Variants in ANKFN1 observed in about 807,000 individuals in gnomAD.
ANKFN1 encodes the protein ankyrin repeat and fibronectin type-III domain-containing protein 1.
A neutral mutation model predicts 108.7 loss-of-function variants in ANKFN1; 74 were observed. That is an observed-to-expected ratio of 0.68 (90% CI 0.56 to 0.83). The LOEUF (loss-of-function observed/expected upper bound fraction) is 0.83. ANKFN1 is among the 40% of genes least tolerant of loss of function. ANKFN1 has a pLI of 0.00. For missense variants in ANKFN1, 1,505 were observed against 1,382.3 expected (o/e 1.09, Z -1.41); for synonymous variants, 547 against 516.2 (o/e 1.06, Z -0.81).
intron 4 of ANKFN1, among the ~76,000 whole-genome samples, chr17:56,122,101 C>T (rs1303686869): frequency 6.6e-6 from 1 of 152,172 alleles, no homozygotes; most frequent in East Asian, 1.9e-4. Flanking sequence ...GAGGAACCTA[C>T]CCCTAGAATT....
intron 14 of ANKFN1, among the ~76,000 whole-genome samples, chr17:56,458,210 A>G (rs113657352): frequency 2.7e-3 from 404 of 152,234 alleles, no homozygotes; most frequent in Middle Eastern, 0.01. Context: ...CTTGAACAGT[A>G]TATAGGAGTA....
chr17:56,418,836 G>C (rs182530936), intron 8 of ANKFN1, among the ~76,000 whole-genome samples: 1 of 151,940 alleles, frequency 6.6e-6, no homozygotes, highest in African/African-American at 2.4e-5. Context: ...ACCACAGAGA[G>C]TCCGAAGCCT....
At chr17:56,179,187 A>G (rs561384267) in intron 1 of ANKFN1, among the ~76,000 whole-genome samples, 2 of 152,344 alleles carry the variant, frequency 1.3e-5, no homozygotes, top group African/African-American at 2.4e-5. Context: ...AACATGTTTC[A>G]TGATCATAGG....
chr17:56,360,390 G>T (rs1339979384), intron 6 of ANKFN1, among the ~76,000 whole-genome samples: 1 of 152,118 alleles, frequency 6.6e-6, no homozygotes, highest in Non-Finnish European at 1.5e-5. Context: ...CTTCAAGAGA[G>T]GCTTTCTCTG....
Position 56,188,020 on chromosome 17 carries a change from T to C in ANKFN1, c.-70-24578T>C, listed in dbSNP as rs537184871. Among the ~76,000 whole-genome samples, 19 of 152,304 alleles carry C rather than the reference T, an allele frequency of 1.2e-4. No homozygotes were observed. In the South Asian group the frequency reaches 3.9e-3, roughly 32 times the overall value. ...GGGTGCAGCACACAAACATGGCACT[T>C]GTATACATATGTAACAAACCTGCAC... On this transcript the variant is annotated intron_variant, in intron 1 of 20. Coordinates refer to ENST00000682825, the MANE Select transcript of ANKFN1 (RefSeq NM_001370326.1).
intron 3 of ANKFN1, among the ~76,000 whole-genome samples, chr17:56,286,903 C>T (rs117181987): frequency 0.016 from 2,399 of 152,162 alleles, 20 homozygotes; most frequent in Middle Eastern, 0.034. Context: ...TAATCAGCCA[C>T]CCCTTCCAAG....
intron 4 of ANKFN1, among the ~76,000 whole-genome samples, chr17:56,055,595 A>ATATATATATATATATATATG (rs1904861698): frequency 1.5e-5 from 2 of 132,644 alleles, no homozygotes; most frequent in Non-Finnish European, 3.2e-5. Flanking sequence ...ATATGTATAT[A>ATATATATATATATATATATG]TACACATTTT....
At chr17:56,507,730 C>T (rs2145483644) in intron 20 of ANKFN1, among the ~76,000 whole-genome samples, 1 of 152,068 alleles carries the variant, frequency 6.6e-6, no homozygotes, top group African/African-American at 2.4e-5. Flanking sequence ...ACTTTGAGGC[C>T]TATACACTCG....
intron 4 of ANKFN1, among the ~76,000 whole-genome samples, chr17:56,094,266 C>T: frequency 6.6e-6 from 1 of 150,904 alleles, no homozygotes; most frequent in South Asian, 2.1e-4. Context: ...TTGATGGCAA[C>T]CCTAGGAAAC....
chr17:56,106,075 T>C (rs1206314011), intron 4 of ANKFN1, among the ~76,000 whole-genome samples: 1 of 152,190 alleles, frequency 6.6e-6, no homozygotes, highest in Non-Finnish European at 1.5e-5. Context: ...GAGTATTTAT[T>C]CTGTGCCCAA....
chr17:56,066,887 G>A (rs1905065102), intron 4 of ANKFN1, among the ~76,000 whole-genome samples: 1 of 152,162 alleles, frequency 6.6e-6, no homozygotes, highest in African/African-American at 2.4e-5. Context: ...GTTGTAACGT[G>A]TGTCAAAAAG....
chr17:56,067,997 G>A (rs1336549462), intron 4 of ANKFN1, among the ~76,000 whole-genome samples: 1 of 152,030 alleles, frequency 6.6e-6, no homozygotes, highest in Non-Finnish European at 1.5e-5. Flanking sequence ...CTGCTTGTCA[G>A]TTTCCTTTTC....
chr17:56,090,308 A>C lies in ANKFN1; in HGVS notation c.288+43983A>C, dbSNP rs1905388867. ...GCTGAAAATTTTGGAGGAGAAAAGCACAGGAAGAGAGCAAGCAGTATGTCA... is the reference window on the plus strand; with the variant it reads ...GCTGAAAATTTTGGAGGAGAAAAGCCCAGGAAGAGAGCAAGCAGTATGTCA... On this transcript the variant is annotated intron_variant, in intron 4 of 12. Transcript: ENST00000635860. Among the ~76,000 whole-genome samples the C allele has an allele frequency of 1.3e-5, 2 of 151,212 alleles. 1 individual carries two copies. Among genetic ancestry groups the C allele is most frequent in the Non-Finnish European group, 3.0e-5 (2 of 67,712 alleles).
At chr17:56,083,858 A>T (rs904750020) in intron 4 of ANKFN1, among the ~76,000 whole-genome samples, 1 of 151,430 alleles carries the variant, frequency 6.6e-6, no homozygotes, top group Admixed American at 6.6e-5. Context: ...CCTATTCTTG[A>T]GTAGTCATCT....
chr17:56,385,601 A>T (rs1032343882), intron 8 of ANKFN1, among the ~76,000 whole-genome samples: 3 of 152,236 alleles, frequency 2.0e-5, no homozygotes, highest in African/African-American at 7.2e-5. Flanking sequence ...CAGAATCTAC[A>T]ATGAACTCAA....
chr17:56,189,448 G>T (rs1486167864), intron 1 of ANKFN1, among the ~76,000 whole-genome samples: 1 of 152,012 alleles, frequency 6.6e-6, no homozygotes, highest in Non-Finnish European at 1.5e-5. Flanking sequence ...GGGATTACAG[G>T]CGTGAGCCAC....
intron 4 of ANKFN1, among the ~76,000 whole-genome samples, chr17:56,329,039 C>T (rs1228971897): frequency 6.6e-6 from 1 of 152,114 alleles, no homozygotes; most frequent in African/African-American, 2.4e-5. Context: ...GTTCCTACAT[C>T]CCTCCCCTTT....
intron 2 of ANKFN1, among the ~76,000 whole-genome samples, chr17:56,218,671 G>C (rs947028089): frequency 1.3e-5 from 2 of 151,988 alleles, no homozygotes; most frequent in African/African-American, 4.8e-5. Flanking sequence ...AGTGTCTCTG[G>C]ATCACCAGAG....
chr17:56,504,852 T>A (rs1223556968), intron 20 of ANKFN1, among the ~76,000 whole-genome samples: 3 of 119,794 alleles, frequency 2.5e-5, no homozygotes, highest in African/African-American at 6.0e-5. Context: ...TTTTTTTTTT[T>A]AGTAAACACA....
Sources: gnomAD v4.1 joint callset for allele counts (sites outside exome capture counted in the v4.1 genomes callset) on GRCh38, gnomAD v4.1.1 for gene constraint, MANE v1.5 for transcripts, NCBI Gene and HGNC (gene_info 2026-07-23, HGNC 2026-07-21) for gene names.